The following KCNQ5 variants were observed in gnomAD, a reference collection of about 807,000 sequenced individuals.
KCNQ5 encodes the protein potassium voltage-gated channel subfamily KQT member 5.
KCNQ5 carries 30 observed loss-of-function variants against 98.2 expected under a neutral mutation model. The observed-to-expected ratio is 0.31, with a 90% confidence interval of 0.23 to 0.41. The LOEUF (loss-of-function observed/expected upper bound fraction) is 0.41. Ranked by LOEUF, KCNQ5 falls within the 10% of genes least tolerant of loss-of-function variation. KCNQ5 has a pLI of 1.00. For missense variants in KCNQ5, 835 were observed against 1,182.5 expected (o/e 0.71, Z 4.31); for synonymous variants, 458 against 449.4 (o/e 1.02, Z -0.24).
intron 1 of KCNQ5, among the ~76,000 whole-genome samples, chr6:72,683,233 G>A (rs1328618846): frequency 6.6e-6 from 1 of 152,082 alleles, no homozygotes; most frequent in African/African-American, 2.4e-5. Context: ...GACTTTCTGA[G>A]GCTCTCAGAA....
chr6:72,784,607 C>A (rs1171712704), intron 1 of KCNQ5, among the ~76,000 whole-genome samples: 2 of 152,160 alleles, frequency 1.3e-5, no homozygotes, highest in African/African-American at 4.8e-5. Flanking sequence ...CTCTGTCTGG[C>A]CTACTTTTCT....
chr6:72,983,122 C>T (rs1405102193), intron 1 of KCNQ5, among the ~76,000 whole-genome samples: 1 of 152,178 alleles, frequency 6.6e-6, no homozygotes, highest in Non-Finnish European at 1.5e-5. Context: ...TTCATTTCAA[C>T]CTTGGTGAAT....
chr6:72,808,088 G>A (rs781177399), intron 1 of KCNQ5, among the ~76,000 whole-genome samples: 1 of 152,202 alleles, frequency 6.6e-6, no homozygotes, highest in Non-Finnish European at 1.5e-5. Flanking sequence ...AGCATGGGGA[G>A]TTCACTAGGG....
intron 10 of KCNQ5, among the ~76,000 whole-genome samples, chr6:73,147,253 GA>G (rs1344483606): frequency 1.3e-5 from 2 of 152,024 alleles, no homozygotes; most frequent in African/African-American, 2.4e-5. Flanking sequence ...GCCCAGCACA[GA>G]ATAGGTGCTC....
chr6:72,699,594 T>C (rs918818311), intron 1 of KCNQ5, among the ~76,000 whole-genome samples: 2 of 152,176 alleles, frequency 1.3e-5, no homozygotes, highest in Admixed American at 6.5e-5. Context: ...TTAGAAGCTA[T>C]ATAAATATCA....
At chr6:72,882,156 A>G (rs1408180653) in intron 1 of KCNQ5, among the ~76,000 whole-genome samples, 1 of 152,268 alleles carries the variant, frequency 6.6e-6, no homozygotes, top group Non-Finnish European at 1.5e-5. Context: ...AATGAACAGA[A>G]TAAAGAAAGC....
intron 1 of KCNQ5, among the ~76,000 whole-genome samples, chr6:72,856,266 T>C (rs967437633): frequency 1.3e-5 from 2 of 152,170 alleles, no homozygotes; most frequent in African/African-American, 4.8e-5. Context: ...ATCTTGAAGT[T>C]GACAATGACA....
intron 1 of KCNQ5, among the ~76,000 whole-genome samples, chr6:72,781,732 T>C (rs909158037): frequency 1.3e-5 from 2 of 152,194 alleles, no homozygotes; most frequent in Non-Finnish European, 2.9e-5. Flanking sequence ...CCAAAACAAT[T>C]TCTATGCTTG....
At chr6:72,986,691 G>T in intron 1 of KCNQ5, 1 of 1,124,366 alleles carries the variant, frequency 8.9e-7, no homozygotes, top group Non-Finnish European at 1.3e-6. Context: ...TTCCTCTGTG[G>T]GGAGAAGAAA....
chr6:73,197,630 CACACA>C lies in KCNQ5; in HGVS notation c.*2217_*2221del, dbSNP rs1765843221. ...ACACACACACACACACACACACACA[CACACA>C]CACACACCCCTCCACTGACCTAAAG... On this transcript the variant is annotated 3_prime_UTR_variant, in exon 14 of 14. Transcript: ENST00000370398. 1.7e-5 allele frequency: 2 copies of C among 117,078 alleles called. No individual in the cohort carries two copies. The highest frequency in any genetic ancestry group is 3.9e-5 in the Non-Finnish European group (2 of 51,350). The allele number at this position is 117,078 out of a possible 1,614,324, so 7.3% of individuals were successfully genotyped here. A position where few individuals can be genotyped will look rare whatever the true frequency, so the allele number is the denominator to read the frequency against.
intron 1 of KCNQ5, among the ~76,000 whole-genome samples, chr6:72,959,945 G>T (rs1767254800): frequency 6.6e-6 from 1 of 152,182 alleles, no homozygotes; most frequent in African/African-American, 2.4e-5. Flanking sequence ...ACAAATAAAT[G>T]TAGAGAGATT....
intron 2 of KCNQ5, among the ~76,000 whole-genome samples, chr6:73,010,976 A>C (rs1178553314): frequency 6.6e-6 from 1 of 152,124 alleles, no homozygotes; most frequent in Non-Finnish European, 1.5e-5. Context: ...ATTCCTATCA[A>C]AATCCCAATG....
chr6:72,877,416 A>G (rs1443579752), intron 1 of KCNQ5, among the ~76,000 whole-genome samples: 1 of 152,154 alleles, frequency 6.6e-6, no homozygotes, highest in Non-Finnish European at 1.5e-5. Flanking sequence ...ATGGCTGCAT[A>G]GTATCTCATG....
At chr6:72,632,068 A>G (rs1351225417) in intron 1 of KCNQ5, among the ~76,000 whole-genome samples, 1 of 151,908 alleles carries the variant, frequency 6.6e-6, no homozygotes, top group Admixed American at 6.6e-5. Flanking sequence ...AGAGCCACAC[A>G]TGCTTAGCCA....
intron 10 of KCNQ5, among the ~76,000 whole-genome samples, chr6:73,149,188 T>C (rs143872678): frequency 1.1e-3 from 160 of 152,280 alleles, no homozygotes; most frequent in African/African-American, 3.7e-3. Flanking sequence ...AGTTATGGAA[T>C]GAGATGGGCA....
chr6:72,885,766 C>G (rs1463019180), intron 1 of KCNQ5, among the ~76,000 whole-genome samples: 2 of 152,136 alleles, frequency 1.3e-5, no homozygotes, highest in African/African-American at 2.4e-5. Context: ...GGAAGCAGAG[C>G]CTTCTAGCTG....
At chr6:72,867,936 A>G (rs1398559205) in intron 1 of KCNQ5, among the ~76,000 whole-genome samples, 7 of 150,906 alleles carry the variant, frequency 4.6e-5, no homozygotes, top group Admixed American at 4.6e-4. Context: ...TAAAAATAAT[A>G]CTAATAATAC....
chr6:72,782,920 C>T (rs1413980523), intron 1 of KCNQ5, among the ~76,000 whole-genome samples: 2 of 152,128 alleles, frequency 1.3e-5, no homozygotes, highest in African/African-American at 4.8e-5. Context: ...AGCTAGATAT[C>T]CCAGGAATTA....
intron 1 of KCNQ5, among the ~76,000 whole-genome samples, chr6:72,868,152 AT>A (rs1278603292): frequency 6.6e-6 from 1 of 151,998 alleles, no homozygotes; most frequent in East Asian, 1.9e-4. Context: ...GTGGGCTGAA[AT>A]TTTGCCATGC....
Sources: gnomAD v4.1 joint callset for allele counts (sites outside exome capture counted in the v4.1 genomes callset) on GRCh38, gnomAD v4.1.1 for gene constraint, MANE v1.5 for transcripts, NCBI Gene and HGNC (gene_info 2026-07-23, HGNC 2026-07-21) for gene names.